Variants in CDK14 observed in about 807,000 individuals in gnomAD.
CDK14 encodes cyclin dependent kinase 14, also known as cyclin-dependent kinase 14.
CDK14 carries 34 observed loss-of-function variants against 60.7 expected under a neutral mutation model. The ratio of observed to expected loss-of-function variants is 0.56; its 90% CI spans 0.43 to 0.75. The LOEUF (loss-of-function observed/expected upper bound fraction) is 0.75. Ranked by LOEUF, CDK14 falls within the 30% of genes least tolerant of loss-of-function variation. The pLI, the probability that CDK14 is intolerant of heterozygous loss-of-function variation, is 0.00. For synonymous variants in CDK14, 197 were observed against 203.7 expected, an observed-to-expected ratio of 0.97 and a Z score of 0.28; for missense variants, 482 against 564.1, an observed-to-expected ratio of 0.85 and a Z score of 1.47.
At chr7:90,945,304 C>T (rs1794068741) in intron 8 of CDK14, among the ~76,000 whole-genome samples, 1 of 152,168 alleles carries the variant, frequency 6.6e-6, no homozygotes, top group Non-Finnish European at 1.5e-5. Context: ...ATCTAATTCG[C>T]ACAAATACCT....
intron 14 of CDK14, among the ~76,000 whole-genome samples, chr7:91,172,668 A>G (rs1801562177): frequency 6.6e-6 from 1 of 152,174 alleles, no homozygotes; most frequent in African/African-American, 2.4e-5. Flanking sequence ...TGTTCCCCAC[A>G]CACAGTTGCT....
intron 1 of CDK14, among the ~76,000 whole-genome samples, chr7:90,603,437 A>G (rs1799356184): frequency 6.6e-6 from 1 of 152,206 alleles, no homozygotes; most frequent in South Asian, 2.1e-4. Flanking sequence ...TGGTACAGTA[A>G]CATGCTGTAT....
At chr7:91,098,663 C>A (rs1799077855) in intron 12 of CDK14, among the ~76,000 whole-genome samples, 1 of 152,070 alleles carries the variant, frequency 6.6e-6, no homozygotes, top group Admixed American at 6.6e-5. Flanking sequence ...CATGTCCAAT[C>A]TGTAAGGAAA....
chr7:90,624,135 G>C (rs1799828810), intron 2 of CDK14, among the ~76,000 whole-genome samples: 1 of 152,260 alleles, frequency 6.6e-6, no homozygotes, highest in East Asian at 1.9e-4. Context: ...ACTCAGGGAA[G>C]GTAAGTGCTG....
rs369269055 is a variant in CDK14 at position 90,909,961 on chromosome 7, A to T, written c.703-7640A>T. Among the ~76,000 whole-genome samples the T allele has an allele frequency of 2.6e-5, 4 of 152,206 alleles. No individual in the cohort carries two copies. The South Asian group carries it at 6.2e-4, about 24-fold the overall frequency. On this transcript the variant is annotated intron_variant, in intron 7 of 14. Transcript: ENST00000380050. ...TCAAACAGGGCAAAACAGTGGCAAG[A>T]CAAACTCCTCCAGCTACTCAAATTT...
intron 5 of CDK14, among the ~76,000 whole-genome samples, chr7:90,806,535 C>T (rs921875406): frequency 5.3e-5 from 8 of 152,164 alleles, no homozygotes; most frequent in South Asian, 4.1e-4. Context: ...CAGCTCCCAG[C>T]GTGAGCGATG....
chr7:90,895,333 C>CTCCTT (rs140781210), intron 6 of CDK14, among the ~76,000 whole-genome samples: 14,205 of 59,384 alleles, frequency 0.24, 4,082 homozygotes, highest in Non-Finnish European at 0.35. Flanking sequence ...CTCCTTTCCT[C>CTCCTT]TCCTCTCCTC....
At chr7:90,826,699 G>A (rs560727682) in intron 5 of CDK14, among the ~76,000 whole-genome samples, 1 of 152,136 alleles carries the variant, frequency 6.6e-6, no homozygotes, top group South Asian at 2.1e-4. Flanking sequence ...AGTTATGTGT[G>A]TGTGTTTTAA....
intron 6 of CDK14, among the ~76,000 whole-genome samples, chr7:90,881,585 A>G (rs1791755349): frequency 6.6e-6 from 1 of 152,150 alleles, no homozygotes; most frequent in Admixed American, 6.5e-5. Context: ...AAATACAGAG[A>G]ACACCACTAA....
chr7:91,095,522 G>A (rs948167841), intron 12 of CDK14, among the ~76,000 whole-genome samples: 1 of 152,116 alleles, frequency 6.6e-6, no homozygotes, highest in African/African-American at 2.4e-5. Context: ...AAACCGAGTT[G>A]CCCCAAAATT....
In CDK14 at chr7:91,210,339, T is replaced by TG. The variant is rs1167291304; in HGVS notation, c.*3203_*3204insG. 5 of 26,976 alleles carry TG rather than the reference T, an allele frequency of 1.9e-4. No individual in the cohort carries two copies. Among genetic ancestry groups the TG allele is most frequent in the African/African-American group, 6.6e-4 (3 of 4,554 alleles). 1.7% of individuals were successfully genotyped at this position (26,976 alleles called of 1,614,324 possible). The stretch of plus-strand genomic sequence containing the variant: ...TTTTTAAAGTTTTCCTTTTATCTTT[T>TG]ATTTTTTTTTGTATGATGCACTGAG... On this transcript the variant is annotated 3_prime_UTR_variant, in exon 15 of 15. Coordinates refer to ENST00000380050, the MANE Select transcript of CDK14 (RefSeq NM_001287135.2).
chr7:91,022,596 A>G (rs1351142114), intron 10 of CDK14, among the ~76,000 whole-genome samples: 2 of 152,228 alleles, frequency 1.3e-5, no homozygotes, highest in Non-Finnish European at 2.9e-5. Context: ...CTCCAGCAAA[A>G]TGTTCTCCCT....
At chr7:90,934,001 A>G (rs1190701156) in intron 8 of CDK14, among the ~76,000 whole-genome samples, 1 of 152,100 alleles carries the variant, frequency 6.6e-6, no homozygotes, top group African/African-American at 2.4e-5. Context: ...CTGACGCTCC[A>G]CTCGCTTTAT....
chr7:90,829,165 G>A (rs1283284240), intron 5 of CDK14, among the ~76,000 whole-genome samples: 2 of 152,074 alleles, frequency 1.3e-5, no homozygotes, highest in Non-Finnish European at 2.9e-5. Flanking sequence ...CTACTCCAGT[G>A]ACAATGTAGG....
chr7:90,674,531 C>T (rs1347490398), intron 2 of CDK14, among the ~76,000 whole-genome samples: 1 of 152,136 alleles, frequency 6.6e-6, no homozygotes, highest in African/African-American at 2.4e-5. Flanking sequence ...ATAGACGAAC[C>T]TCAGTGCTTA....
chr7:90,756,406 C>A (rs1184760056), intron 4 of CDK14, among the ~76,000 whole-genome samples: 2 of 152,158 alleles, frequency 1.3e-5, no homozygotes. Flanking sequence ...AAAAGAAAGA[C>A]TTTAAAAGTA....
intron 7 of CDK14, among the ~76,000 whole-genome samples, chr7:90,899,590 G>A (rs765222047): frequency 6.6e-6 from 1 of 152,008 alleles, no homozygotes; most frequent in Non-Finnish European, 1.5e-5. Context: ...TCTTGCTGGA[G>A]AAACATTTGC....
At chr7:91,178,806 C>T (rs546461682) in intron 14 of CDK14, among the ~76,000 whole-genome samples, 1 of 151,586 alleles carries the variant, frequency 6.6e-6, no homozygotes, top group African/African-American at 2.4e-5. Flanking sequence ...AGTCAGGAAA[C>T]AACAGGTGCT....
intron 2 of CDK14, among the ~76,000 whole-genome samples, chr7:90,654,976 T>C (rs1317864657): frequency 6.6e-6 from 1 of 152,218 alleles, no homozygotes; most frequent in Non-Finnish European, 1.5e-5. Flanking sequence ...GTGCTTCACC[T>C]GTTATTCATT....
Sources: gnomAD v4.1 joint callset for allele counts (sites outside exome capture counted in the v4.1 genomes callset) on GRCh38, gnomAD v4.1.1 for gene constraint, MANE v1.5 for transcripts, NCBI Gene and HGNC (gene_info 2026-07-23, HGNC 2026-07-21) for gene names.